ADGRF3: variants seen among roughly 807,000 people sequenced by gnomAD.
The protein encoded by ADGRF3 is G protein-coupled receptor 113.
Under a neutral mutation model 93.2 loss-of-function variants are expected in ADGRF3, and 85 were observed. The ratio of observed to expected loss-of-function variants is 0.91; its 90% CI spans 0.77 to 1.09. The LOEUF is 1.09. Ranked by LOEUF, ADGRF3 falls within the 50% of genes least tolerant of loss-of-function variation. The pLI is 0.00. For missense variants in ADGRF3, 1,125 were observed against 1,246.2 expected (o/e 0.90, Z 1.46); for synonymous variants, 534 against 532.5 (o/e 1.00, Z -0.04).
intron 13 of ADGRF3, 28 bp from the exon 14 acceptor site, chr2:26,309,135 G>T (rs769646766): frequency 2.7e-5 from 43 of 1,613,904 alleles, no homozygotes; most frequent in Non-Finnish European, 3.6e-5. Context: ...GCTGGTGAGT[G>T]GATACTGAGC....
chr2:26,310,268 C>A, intron 10 of ADGRF3, 31 bp from the exon 11 acceptor site: 3 of 1,613,286 alleles, frequency 1.9e-6, no homozygotes, highest in South Asian at 2.2e-5. Flanking sequence ...ATAAGCTGGT[C>A]AAGGAGGAAG....
rs1426859965 is a variant in ADGRF3 at position 26,315,619 on chromosome 2, G to A, written c.621C>T (p.Pro207=). The change falls in exon 5 of 14, where the codon CCC becomes CCT. Residue 207 remains proline (P), a synonymous_variant. Transcript: ENST00000651242. ...LSWFLRHPGS[P]SPILLQPGTQ... ...TCCCTGGCTGCAGGAGGATGGGACT[G>A]GGGCTCCCTGGGTGCCTCAGGAACC... 13 of 1,551,486 alleles carry A rather than the reference G, an allele frequency of 8.4e-6. No homozygotes were observed. Among genetic ancestry groups the A allele is most frequent in the African/African-American group, 1.4e-5 (1 of 73,036 alleles).
intron 1 of ADGRF3, among the ~76,000 whole-genome samples, chr2:26,325,139 T>C (rs754220096): frequency 3.9e-5 from 6 of 152,320 alleles, no homozygotes; most frequent in Non-Finnish European, 8.8e-5. Context: ...GGCCACATCA[T>C]GGGACATGTG....
At position 26,346,073 on chromosome 2, in the gene ADGRF3, G is replaced by A. The variant is rs774469035; in HGVS notation, c.114+48C>T. 3.9e-6 allele frequency: 6 copies of A among 1,526,818 alleles called. No homozygotes were observed. In the South Asian group the frequency reaches 4.8e-5, roughly 12 times the overall value. 94.6% of individuals were successfully genotyped at this position (1,526,818 alleles called of 1,614,324 possible). On this transcript the variant is annotated intron_variant, in intron 1 of 13. Transcript: ENST00000651242. Reference sequence around the variant, plus strand: ...TTGCGCACTGAGAGGCGGCCGAAGGGGCCGAGGCGGCTACGCGTGCGCGGT... The same window carrying A: ...TTGCGCACTGAGAGGCGGCCGAAGGAGCCGAGGCGGCTACGCGTGCGCGGT...
rs1674326213 is a variant in ADGRF3, at chr2:26,312,998, T to C, written c.1394A>G (p.Tyr465Cys). The C allele has an allele frequency of 1.9e-6, 3 of 1,613,982 alleles. No individual in the cohort carries two copies. The highest frequency in any genetic ancestry group is 2.5e-6 in the Non-Finnish European group (3 of 1,179,872). ...DLLTLLSTMKYVAKVVAEARI... is the reference protein window; with the variant it reads ...DLLTLLSTMKCVAKVVAEARI... ...GGCCTCTGCCACCACCTTGGCCACGTATTTCATGGTGCTCAGCAGGGTCAG... is the reference window on the plus strand; with the variant it reads ...GGCCTCTGCCACCACCTTGGCCACGCATTTCATGGTGCTCAGCAGGGTCAG... Residue 465 changes from tyrosine to cysteine, a missense_variant, in exon 9 of 14, where the codon TAC becomes TGC. Transcript: ENST00000651242.
At position 26,315,592 on chromosome 2, in the gene ADGRF3, T is replaced by A. The variant is rs1441592203; in HGVS notation, c.648A>T (p.Thr216=). 3 of 1,551,488 alleles carry A rather than the reference T, an allele frequency of 1.9e-6. No homozygotes were observed. The African/African-American group carries it at 4.1e-5, about 21-fold the overall frequency. The change falls in exon 5 of 14, where the codon ACA becomes ACT. Residue 216 remains threonine (T), a synonymous_variant. Coordinates refer to ENST00000651242, the MANE Select transcript of ADGRF3 (RefSeq NM_001321971.2). ...SPSPILLQPG[T]QVSVTSSHGQ... is the part of the protein sequence containing the mutation. The stretch of plus-strand genomic sequence containing the variant: ...CGTGGCTGGAAGTCACAGACACCTG[T>A]GTCCCTGGCTGCAGGAGGATGGGAC...
chr2:26,311,832 TG>T lies in ADGRF3; in HGVS notation c.1691del (p.Pro564HisfsTer21), dbSNP rs1316022482. On this transcript the variant is annotated frameshift_variant, in exon 10 of 14. Transcript: ENST00000651242. LOFTEE classifies it high-confidence loss of function. Reference protein sequence around the residue: ...DYSISFPTRPPLQAQIPRHSL... With the variant: ...DYSISFPTRPXLQAQIPRHSL... ...AGTGCCTGGGAATCTGAGCCTGCAGTGGGGGCCGAGTAGGGAAGGAGATGCT... is the reference window on the plus strand; with the variant it reads ...AGTGCCTGGGAATCTGAGCCTGCAGTGGGGCCGAGTAGGGAAGGAGATGCT... 5.0e-6 allele frequency: 8 copies of T among 1,613,844 alleles called. No homozygotes were observed. Among genetic ancestry groups the T allele is most frequent in the Non-Finnish European group, 5.9e-6 (7 of 1,179,826 alleles).
intron 1 of ADGRF3, among the ~76,000 whole-genome samples, chr2:26,339,098 G>C (rs1274657581): frequency 9.3e-6 from 1 of 107,298 alleles, no homozygotes; most frequent in Non-Finnish European, 1.7e-5. Flanking sequence ...CTGGGCAACA[G>C]AGTAAGACTC....
Position 26,311,010 on chromosome 2 carries a change from T to G in ADGRF3, c.2514A>C (p.Leu838=), listed in dbSNP as rs547959288. 2.0e-5 allele frequency: 33 copies of G among 1,612,692 alleles called. No individual in the cohort carries two copies. The highest frequency in any genetic ancestry group is 1.6e-4 in the Middle Eastern group (1 of 6,062). ...GLAGVTLGLY[L]PQGQYLREGE... ...CCTCCCTCAGGTATTGCCCTTGAGGTAGGTAGAGCCCCAGGGTGACACCTG... is the reference window on the plus strand; with the variant it reads ...CCTCCCTCAGGTATTGCCCTTGAGGGAGGTAGAGCCCCAGGGTGACACCTG... The change falls in exon 10 of 14, where the codon CTA becomes CTC. Residue 838 remains leucine (L), a synonymous_variant. Transcript: ENST00000651242.
intron 5 of ADGRF3, among the ~76,000 whole-genome samples, 157 bp downstream of exon 5, chr2:26,315,365 A>T (rs1674556115): frequency 6.6e-6 from 1 of 152,194 alleles, no homozygotes; most frequent in Non-Finnish European, 1.5e-5. Flanking sequence ...GGGTAAATGG[A>T]AAGATGAAAA....
intron 1 of ADGRF3, chr2:26,318,789 A>G (rs1674922444): frequency 9.1e-7 from 1 of 1,101,038 alleles, no homozygotes; most frequent in Admixed American, 2.4e-5. Flanking sequence ...AGGAAAGTAA[A>G]ACTGAGTTCT....
intron 8 of ADGRF3, 85 bp from the exon 9 acceptor site, chr2:26,313,207 A>G (rs1674347261): frequency 6.5e-7 from 1 of 1,534,036 alleles, no homozygotes; most frequent in Non-Finnish European, 8.9e-7. Context: ...GAGATTGTTG[A>G]CCCCCAGAAG....
At position 26,309,034 on chromosome 2, in the gene ADGRF3, G is replaced by A. The variant is rs1297356604; in HGVS notation, c.*52C>T. The stretch of plus-strand genomic sequence containing the variant: ...CATTGGGCCAGGGCTCATCTGGTGG[G>A]TTCAAGCACACAGCCTCAACTCCCT... On this transcript the variant is annotated 3_prime_UTR_variant, in exon 14 of 14. Coordinates refer to ENST00000651242, the MANE Select transcript of ADGRF3 (RefSeq NM_001321971.2). 1 of 1,613,662 alleles carries A rather than the reference G, an allele frequency of 6.2e-7. No homozygotes were observed.
At chr2:26,328,428 A>G (rs1442047156) in intron 1 of ADGRF3, among the ~76,000 whole-genome samples, 2 of 150,602 alleles carry the variant, frequency 1.3e-5, no homozygotes. Context: ...CTGGCGCTCT[A>G]ATGACACAAC....
chr2:26,339,711 T>C (rs754377603), intron 1 of ADGRF3, among the ~76,000 whole-genome samples: 3 of 152,064 alleles, frequency 2.0e-5, no homozygotes, highest in Non-Finnish European at 4.4e-5. Context: ...TATCTAATTA[T>C]ACGCCTTCTT....
rs150196795 is a variant in ADGRF3 at position 26,311,675 on chromosome 2, C to G, written c.1849G>C (p.Val617Leu). The change falls in exon 10 of 14, where the codon GTC (valine) becomes CTC (leucine). Residue 617 changes from valine (V) to leucine (L), a missense_variant. Transcript: ENST00000651242. ...GDSLYATPGL[V>L]LVISIMAGDR... is the part of the protein sequence containing the mutation. ...CCTGCCATGATGGAAATGACAAGGA[C>G]CAGGCCAGGAGTGGCATAGAGGGAA... 2.5e-5 allele frequency: 41 copies of G among 1,613,484 alleles called. 1 individual carries two copies. In the African/African-American group the frequency reaches 4.9e-4, roughly 19 times the overall value.
At position 26,311,226 on chromosome 2, in the gene ADGRF3, T is replaced by C. The variant is rs770225294; in HGVS notation, c.2298A>G (p.Pro766=). ...CAAGGCAGAGCGGGCTTCGGGGCCC[T>C]GGAGAGAGGAATGGGGCGCCCAGGA... The part of the protein sequence containing the change: ...TCFLGAPFLS[P]GPRSPLCLAA... Residue 766 remains proline, a synonymous_variant, in exon 10 of 14, where the codon CCA becomes CCG. Transcript: ENST00000651242. 2.5e-6 allele frequency: 4 copies of C among 1,606,416 alleles called. 1 individual carries two copies. In the South Asian group the frequency reaches 3.3e-5, roughly 13 times the overall value.
At chr2:26,316,520 C>A (rs1674692620) in intron 3 of ADGRF3, 72 bp from the exon 4 acceptor site, 1 of 1,456,922 alleles carries the variant, frequency 6.9e-7, no homozygotes, top group Non-Finnish European at 9.3e-7. Flanking sequence ...AGACACCTGC[C>A]TGATGCCTGA....
chr2:26,340,941 T>C (rs1035645682), intron 1 of ADGRF3, among the ~76,000 whole-genome samples: 2 of 152,100 alleles, frequency 1.3e-5, no homozygotes, highest in African/African-American at 4.8e-5. Flanking sequence ...GGCAAATATG[T>C]AGATGGTCTA....
Sources: allele counts gnomAD v4.1 joint callset (sites outside exome capture counted in the v4.1 genomes callset), GRCh38; gene constraint gnomAD v4.1.1; transcripts MANE v1.5; gene names NCBI Gene and HGNC (gene_info 2026-07-23, HGNC 2026-07-21).